Variants in ATM observed in about 807,000 individuals in gnomAD.
ATM encodes the protein serine-protein kinase ATM.
A neutral mutation model predicts 387.0 loss-of-function variants in ATM; 308 were observed. The ratio of observed to expected loss-of-function variants is 0.80; its 90% CI spans 0.73 to 0.87. The LOEUF (loss-of-function observed/expected upper bound fraction) is 0.87. Ranked by LOEUF, ATM falls within the 40% of genes least tolerant of loss-of-function variation. The probability of loss-of-function intolerance (pLI) is 0.00; values close to 1 mark genes in which losing one functional copy is unlikely to be tolerated. For synonymous variants in ATM, 1,156 were observed against 1,187.3 expected, an observed-to-expected ratio of 0.97 and a Z score of 0.54; for missense variants, 3,312 against 3,560.9, an observed-to-expected ratio of 0.93 and a Z score of 1.78.
chr11:108,244,876 G>A lies in ATM; in HGVS notation c.751G>A (p.Val251Met), dbSNP rs1057519145. The A allele has an allele frequency of 2.5e-6, 4 of 1,613,832 alleles. No individual in the cohort carries two copies. Among genetic ancestry groups the A allele is most frequent in the Non-Finnish European group, 3.4e-6 (4 of 1,179,886 alleles). Residue 251 changes from valine (V) to methionine (M), a missense_variant, in exon 7 of 63, where the codon GTG becomes ATG. By Grantham distance (21) the Val-to-Met change is conservative (BLOSUM62 1). This residue lies in a region of ATM where 1,791 missense variants were observed against 1,804.5 expected (regional missense o/e 0.99). Coordinates refer to ENST00000675843, the MANE Select transcript of ATM (RefSeq NM_000051.4). ...KTLAVNFRIR[V>M]CELGDEILPT... ...TTTGGCTGTCAACTTTCGAATTCGA[G>A]TGTGTGAATTAGGAGATGAAATTCT...
chr11:108,295,264 A>C, intron 32 of ATM: 1 of 616,566 alleles, frequency 1.6e-6, no homozygotes, highest in South Asian at 2.0e-5. Context: ...ATCCTCTGCC[A>C]GATGATTTCT....
chr11:108,365,164 CTG>C lies in ATM; in HGVS notation c.8934_8935del (p.Glu2979AlafsTer9), dbSNP rs2137881586. 1 of 1,614,192 alleles carries C rather than the reference CTG, an allele frequency of 6.2e-7. No homozygotes were observed. The highest frequency in any genetic ancestry group is 8.5e-7 in the Non-Finnish European group (1 of 1,180,042). The stretch of plus-strand genomic sequence containing the variant: ...TTACAGCAGAGGCCGGAAGATGAAA[CTG>C]AGCTTCACCCTACTCTGAATGCAGA... On this transcript the variant is annotated frameshift_variant, in exon 62 of 63. Coordinates refer to ENST00000675843, the MANE Select transcript of ATM (RefSeq NM_000051.4). LOFTEE classifies it high-confidence loss of function.
chr11:108,284,084 T>A, intron 25 of ATM, 143 bp from the exon 26 acceptor site: 1 of 650,220 alleles, frequency 1.5e-6, no homozygotes, highest in Non-Finnish European at 2.4e-6. Context: ...TTTCCATTTA[T>A]AAAATTAAAG....
intron 54 of ATM, among the ~76,000 whole-genome samples, chr11:108,334,542 T>C (rs1050512567): frequency 6.6e-6 from 1 of 151,864 alleles, no homozygotes; most frequent in Non-Finnish European, 1.5e-5. Context: ...ATTGTCTTTC[T>C]TTTCATTTTG....
chr11:108,342,122 A>G (rs1056231329), intron 56 of ATM, among the ~76,000 whole-genome samples: 4 of 152,120 alleles, frequency 2.6e-5, no homozygotes, highest in Non-Finnish European at 1.5e-5. Context: ...CTCATCAGCA[A>G]TCATTAGTGT....
At position 108,316,106 on chromosome 11, in the gene ATM, T is replaced by TC; in HGVS notation, c.6192dup (p.Ile2065HisfsTer23). On this transcript the variant is annotated frameshift_variant, in exon 42 of 63. Coordinates refer to ENST00000675843, the MANE Select transcript of ATM (RefSeq NM_000051.4). LOFTEE classifies it high-confidence loss of function. The stretch of plus-strand genomic sequence containing the variant: ...CCCTCATCAACACGCCAGGCAGGAA[T>TC]CATTCAGGTACATTTTTTCCCAGAT... 6.2e-7 allele frequency: 1 copy of TC among 1,613,914 alleles called. No individual in the cohort carries two copies. The highest frequency in any genetic ancestry group is 8.5e-7 in the Non-Finnish European group (1 of 1,179,842).
In ATM at chr11:108,229,378, GTTT is replaced by G. The variant is rs11390378; in HGVS notation, c.331+67_331+69del. On this transcript the variant is annotated intron_variant, in intron 4 of 62. Coordinates refer to ENST00000675843, the MANE Select transcript of ATM (RefSeq NM_000051.4). The stretch of plus-strand genomic sequence containing the variant: ...GGCTTAACAGATTACTGTCGCGTGA[GTTT>G]TTTTTTTTTTTCAGATCATTTTAAG... The G allele has an allele frequency of 6.2e-5, 79 of 1,270,636 alleles. No individual in the cohort carries two copies. The African/African-American group carries it at 8.2e-4, about 13-fold the overall frequency. The allele number at this position is 1,270,636 out of a possible 1,614,324, so 78.7% of individuals were successfully genotyped here.
At chr11:108,246,404 A>G (rs953134790) in intron 7 of ATM, among the ~76,000 whole-genome samples, 1 of 152,174 alleles carries the variant, frequency 6.6e-6, no homozygotes, top group East Asian at 1.9e-4. Flanking sequence ...GTTTCAGACT[A>G]CTTTAATAGA....
In ATM at chr11:108,252,850, T is replaced by C; in HGVS notation, c.1836T>C (p.Leu612=). The change falls in exon 12 of 63, where the codon CTT becomes CTC. Residue 612 remains leucine (L), a synonymous_variant. Coordinates refer to ENST00000675843, the MANE Select transcript of ATM (RefSeq NM_000051.4). Reference sequence around the variant, plus strand: ...CTCATCTTGTACTGGAGAAAATTCTTGTGAGTCTCACTATGAAAAACTGTA... The same window carrying C: ...CTCATCTTGTACTGGAGAAAATTCTCGTGAGTCTCACTATGAAAAACTGTA... ...NFPHLVLEKI[L]VSLTMKNCKA... 6.2e-7 allele frequency: 1 copy of C among 1,613,094 alleles called. No individual in the cohort carries two copies.
chr11:108,279,935 C>T (rs937409474), intron 23 of ATM, among the ~76,000 whole-genome samples: 1 of 152,058 alleles, frequency 6.6e-6, no homozygotes, highest in Non-Finnish European at 1.5e-5. Context: ...GAACAGGTGA[C>T]AATGGGAAGA....
intron 60 of ATM, 79 bp downstream of exon 60, chr11:108,353,959 T>C: frequency 1.4e-5 from 19 of 1,369,704 alleles, no homozygotes; most frequent in Non-Finnish European, 1.9e-5. Context: ...TTTGCACCTG[T>C]AATCCCAGCT....
intron 51 of ATM, 68 bp downstream of exon 51, chr11:108,331,625 G>T: frequency 7.0e-7 from 1 of 1,432,040 alleles, no homozygotes; most frequent in Non-Finnish European, 9.3e-7. Context: ...ATTATATAAA[G>T]TATATATACC....
At chr11:108,252,999 T>A (rs1009452987) in intron 12 of ATM, 87 bp downstream of exon 12, 10 of 1,186,758 alleles carry the variant, frequency 8.4e-6, no homozygotes, top group Non-Finnish European at 1.2e-5. Flanking sequence ...TAGCTGCATC[T>A]TAATAATTGT....
chr11:108,317,615 T>TTATATATATATATATATATATATATA (rs376158749), intron 43 of ATM, 94 bp downstream of exon 43: 1 of 211,242 alleles, frequency 4.7e-6, no homozygotes, highest in Non-Finnish European at 8.5e-6. Context: ...AGGAGTTGTT[T>TTATATATATATATATATATATATATA]TATATATATA....
intron 5 of ATM, 189 bp downstream of exon 5, chr11:108,236,023 T>C (rs1403456154): frequency 3.2e-6 from 2 of 628,534 alleles, no homozygotes; most frequent in Non-Finnish European, 5.5e-6. Flanking sequence ...AATAAAGTCA[T>C]GAATAATATA....
intron 45 of ATM, among the ~76,000 whole-genome samples, chr11:108,323,556 G>A (rs1273971908): frequency 1.3e-5 from 2 of 152,056 alleles, no homozygotes; most frequent in Non-Finnish European, 2.9e-5. Flanking sequence ...AGAAGATTTG[G>A]AATGTTTCCA....
At position 108,271,380 on chromosome 11, in the gene ATM, G is replaced by A. The variant is rs2135554502; in HGVS notation, c.3051G>A (p.Gln1017=). ...AGAACACAAGGGATGCTCAAGGACAGTTTCTTACAGTAATTGGAGCATTTT... is the reference window on the plus strand; with the variant it reads ...AGAACACAAGGGATGCTCAAGGACAATTTCTTACAGTAATTGGAGCATTTT... ...DSENTRDAQG[Q]FLTVIGAFWH... is the part of the protein sequence containing the mutation. Residue 1017 remains glutamine (Q), a synonymous_variant, in exon 20 of 63, where the codon CAG becomes CAA. Coordinates refer to ENST00000675843, the MANE Select transcript of ATM (RefSeq NM_000051.4). 1.2e-6 allele frequency: 2 copies of A among 1,614,040 alleles called. No homozygotes were observed. The highest frequency in any genetic ancestry group is 1.7e-6 in the Non-Finnish European group (2 of 1,179,994).
chr11:108,291,039 T>G (rs2082763546), intron 29 of ATM, among the ~76,000 whole-genome samples: 1 of 151,932 alleles, frequency 6.6e-6, no homozygotes, highest in African/African-American at 2.4e-5. Context: ...ATCGAGACCA[T>G]CCTGGCTAAC....
chr11:108,241,833 G>A (rs1409321455), intron 5 of ATM, among the ~76,000 whole-genome samples: 1 of 134,234 alleles, frequency 7.4e-6, no homozygotes, highest in Non-Finnish European at 1.5e-5. Context: ...CTGCAGCTTC[G>A]ACCTCCTGAG....
Sources: allele counts gnomAD v4.1 joint callset (sites outside exome capture counted in the v4.1 genomes callset), GRCh38; gene constraint gnomAD v4.1.1; regional missense constraint gnomAD v4.1.1; transcripts MANE v1.5; gene names NCBI Gene and HGNC (gene_info 2026-07-23, HGNC 2026-07-21).